Variants in SGCZ observed in about 807,000 individuals in gnomAD.
The protein encoded by SGCZ is zeta-sarcoglycan.
SGCZ carries 40 observed loss-of-function variants against 41.3 expected under a neutral mutation model. The ratio of observed to expected loss-of-function variants is 0.97; its 90% CI spans 0.75 to 1.26. The LOEUF (loss-of-function observed/expected upper bound fraction) is 1.26. SGCZ is among the 50% of genes most tolerant of loss of function. The probability of loss-of-function intolerance (pLI) is 0.00; values close to 1 mark genes in which losing one functional copy is unlikely to be tolerated. For missense variants in SGCZ, 552 were observed against 369.8 expected (o/e 1.49, Z -4.04); for synonymous variants, 206 against 137.5 (o/e 1.50, Z -3.49).
intron 2 of SGCZ, among the ~76,000 whole-genome samples, chr8:14,332,891 G>A (rs1468129865): frequency 6.7e-6 from 1 of 149,152 alleles, no homozygotes; most frequent in Non-Finnish European, 1.5e-5. Flanking sequence ...TATATTATAT[G>A]TGTGTCTATA....
intron 2 of SGCZ, among the ~76,000 whole-genome samples, chr8:14,357,164 A>G (rs28681366): frequency 6.6e-6 from 1 of 152,160 alleles, no homozygotes; most frequent in African/African-American, 2.4e-5. Context: ...CAAAAGAATT[A>G]AAACAATATA....
intron 1 of SGCZ, among the ~76,000 whole-genome samples, chr8:14,984,392 T>G (rs1801763412): frequency 6.6e-6 from 1 of 152,196 alleles, no homozygotes. Flanking sequence ...TTATGATATT[T>G]TAAAGTACTT....
chr8:15,011,387 T>G (rs1802823048), intron 1 of SGCZ, among the ~76,000 whole-genome samples: 1 of 152,214 alleles, frequency 6.6e-6, no homozygotes, highest in Non-Finnish European at 1.5e-5. Context: ...TTTGTATGTT[T>G]GTTAAAGCAA....
intron 3 of SGCZ, among the ~76,000 whole-genome samples, chr8:14,290,031 C>A (rs760448101): frequency 2.0e-5 from 3 of 151,886 alleles, no homozygotes; most frequent in East Asian, 1.9e-4. Context: ...ACGAGAACAG[C>A]ATGGAGGAAG....
chr8:14,326,627 C>G (rs1585367294), intron 2 of SGCZ, among the ~76,000 whole-genome samples: 1 of 152,004 alleles, frequency 6.6e-6, no homozygotes, highest in African/African-American at 2.4e-5. Context: ...AAAACTGATG[C>G]TGGAAATGCC....
chr8:14,358,049 G>A lies in SGCZ; in HGVS notation c.235-33845C>T, dbSNP rs369111932. On this transcript the variant is annotated intron_variant, in intron 2 of 7. Coordinates refer to ENST00000382080, the MANE Select transcript of SGCZ (RefSeq NM_139167.4). ...ATGGCCCGTGTTTATGCATGTATTC[G>A]TGCACTCACTCATTTATTCACTGAC... 1.3e-4 allele frequency among the ~76,000 whole-genome samples: 19 copies of A among 151,996 alleles called. No individual in the cohort carries two copies. The East Asian group carries it at 2.5e-3, about 20-fold the overall frequency.
At chr8:14,457,201 A>G (rs1448704302) in intron 2 of SGCZ, among the ~76,000 whole-genome samples, 4 of 152,248 alleles carry the variant, frequency 2.6e-5, no homozygotes, top group Non-Finnish European at 4.4e-5. Context: ...CTCTATAATC[A>G]TAGCCTAGGA....
intron 1 of SGCZ, among the ~76,000 whole-genome samples, chr8:14,914,619 A>T (rs1195446509): frequency 6.6e-6 from 1 of 152,232 alleles, no homozygotes; most frequent in Non-Finnish European, 1.5e-5. Context: ...TCAGGAAAAT[A>T]ATTCAAGATC....
chr8:14,601,376 T>C (rs547372926), intron 1 of SGCZ, among the ~76,000 whole-genome samples: 1 of 152,288 alleles, frequency 6.6e-6, no homozygotes, highest in East Asian at 1.9e-4. Flanking sequence ...AGTACAGTTT[T>C]AGGTGAAAGG....
chr8:14,240,562 T>C (rs973291668), intron 3 of SGCZ, among the ~76,000 whole-genome samples: 1 of 152,112 alleles, frequency 6.6e-6, no homozygotes, highest in Non-Finnish European at 1.5e-5. Context: ...TCTTTTTACT[T>C]AGTAGAACCA....
chr8:15,003,457 G>C (rs148317520), intron 1 of SGCZ, among the ~76,000 whole-genome samples: 113 of 152,202 alleles, frequency 7.4e-4, no homozygotes, highest in Middle Eastern at 3.4e-3. Context: ...AATTATACAG[G>C]TATGCTATAA....
At chr8:14,310,006 CAAA>C (rs1225024772) in intron 3 of SGCZ, among the ~76,000 whole-genome samples, 10 of 151,834 alleles carry the variant, frequency 6.6e-5, no homozygotes, top group Middle Eastern at 3.4e-3. Flanking sequence ...CCACAATAGT[CAAA>C]AAAAAACTTG....
chr8:14,963,939 A>C lies in SGCZ; in HGVS notation c.39+273646T>G, dbSNP rs138430375. Among the ~76,000 whole-genome samples, 15 of 152,260 alleles carry C rather than the reference A, an allele frequency of 9.9e-5. No individual in the cohort carries two copies. In the East Asian group the frequency reaches 2.9e-3, roughly 29 times the overall value. On this transcript the variant is annotated intron_variant, in intron 1 of 7. Coordinates refer to ENST00000382080, the MANE Select transcript of SGCZ (RefSeq NM_139167.4). Reference sequence around the variant, plus strand: ...TTTTATCCCAGAAAAAATTTTTTCTAAGTTGTTTAATATAGCCCTCAAATG... The same window carrying C: ...TTTTATCCCAGAAAAAATTTTTTCTCAGTTGTTTAATATAGCCCTCAAATG...
chr8:14,228,820 G>A (rs986988093), intron 4 of SGCZ, among the ~76,000 whole-genome samples: 2 of 152,034 alleles, frequency 1.3e-5, no homozygotes, highest in African/African-American at 4.8e-5. Context: ...ATTCAAATAT[G>A]TATATTTTGT....
At chr8:14,852,761 A>T (rs1020677300) in intron 1 of SGCZ, among the ~76,000 whole-genome samples, 1 of 152,214 alleles carries the variant, frequency 6.6e-6, no homozygotes, top group Non-Finnish European at 1.5e-5. Flanking sequence ...ATTGCAAAGT[A>T]CAAAAAATTT....
At chr8:14,699,618 G>A (rs1809071937) in intron 1 of SGCZ, among the ~76,000 whole-genome samples, 1 of 151,816 alleles carries the variant, frequency 6.6e-6, no homozygotes, top group Non-Finnish European at 1.5e-5. Flanking sequence ...AGATTTGTGG[G>A]ACCAAATTAG....
intron 1 of SGCZ, among the ~76,000 whole-genome samples, chr8:15,170,722 G>C (rs953684724): frequency 2.0e-5 from 3 of 152,148 alleles, no homozygotes; most frequent in East Asian, 3.8e-4. Context: ...GAACTATGCA[G>C]TGTTTTAGTA....
intron 1 of SGCZ, among the ~76,000 whole-genome samples, chr8:14,996,270 G>C (rs1483091294): frequency 6.6e-6 from 1 of 152,142 alleles, no homozygotes; most frequent in African/African-American, 2.4e-5. Context: ...GCAGCATTCT[G>C]AACCGCATGA....
At chr8:14,883,892 T>C (rs1804690322) in intron 1 of SGCZ, among the ~76,000 whole-genome samples, 2 of 151,888 alleles carry the variant, frequency 1.3e-5, no homozygotes, top group Admixed American at 6.6e-5. Flanking sequence ...CATTATAGGT[T>C]CTCATTTCTG....
Sources: gnomAD v4.1 joint callset for allele counts (sites outside exome capture counted in the v4.1 genomes callset) on GRCh38, gnomAD v4.1.1 for gene constraint, MANE v1.5 for transcripts, NCBI Gene and HGNC (gene_info 2026-07-23, HGNC 2026-07-21) for gene names.